ZHX3: variants seen among roughly 807,000 people sequenced by gnomAD.
ZHX3 encodes the protein zinc fingers and homeoboxes 3.
In ZHX3, 20 loss-of-function variants were observed where a neutral mutation model predicts 64.5. That is an observed-to-expected ratio of 0.31 (90% CI 0.22 to 0.45). ZHX3 has a LOEUF of 0.45. Ranked by LOEUF, ZHX3 falls within the 20% of genes least tolerant of loss-of-function variation. ZHX3 has a pLI of 1.00. For synonymous variants in ZHX3, 423 were observed against 461.6 expected (o/e 0.92, Z 1.07); for missense variants, 1,041 against 1,195.8 (o/e 0.87, Z 1.91).
chr20:41,215,770 T>TAAAAAAA (rs55922605), intron 2 of ZHX3, among the ~76,000 whole-genome samples: 3 of 101,166 alleles, frequency 3.0e-5, no homozygotes, highest in Admixed American at 1.1e-4. Flanking sequence ...ACGTCTCTAC[T>TAAAAAAA]AAAAAAAAAA....
chr20:41,204,849 G>A lies in ZHX3; in HGVS notation c.68C>T (p.Ala23Val). The A allele has an allele frequency of 6.3e-7, 1 of 1,591,570 alleles. No individual in the cohort carries two copies. Among genetic ancestry groups the A allele is most frequent in the Non-Finnish European group, 8.6e-7 (1 of 1,168,562 alleles). ...CTCAGCGGGCTGGGCCTCCATGCTG[G>A]CATCTTGCAACACCACAGTCTTCAC... ...IPVKTVVLQD[A>V]SMEAQPAETL... is the part of the protein sequence containing the mutation. The change falls in exon 3 of 4, where the codon GCC (alanine) becomes GTC (valine). Residue 23 changes from alanine to valine, a missense_variant. By Grantham distance (64) the Ala-to-Val change is moderately conservative. This residue lies in a region of ZHX3 where 358 missense variants were observed against 369.1 expected (regional missense o/e 0.97). Transcript: ENST00000683867. This position sits in a 1 kb window ranked among gnomAD's most constrained non-coding sequence, Gnocchi z 6.6.
rs2044775296 is a variant in ZHX3, at chr20:41,300,875, C to G, written c.-245+16634G>C. ...TGATGGGTCAGAAAGACAGACGGGC[C>G]AGAAAGACAGAAGGGCTAAGGAGGA... On this transcript the variant is annotated intron_variant, in intron 1 of 3. Transcript: ENST00000683867. Among the ~76,000 whole-genome samples, 4 of 152,084 alleles carry G rather than the reference C, an allele frequency of 2.6e-5. No homozygotes were observed. In the South Asian group the frequency reaches 8.3e-4, roughly 32 times the overall value.
In ZHX3 at chr20:41,317,728, G is replaced by GCTCGGCCTTGCACGGCTCCC. The variant is rs2045331280; in HGVS notation, c.-465_-464insGGGAGCCGTGCAAGGCCGAG. The GCTCGGCCTTGCACGGCTCCC allele has an allele frequency of 6.6e-6, 1 of 152,076 alleles. No homozygotes were observed. Among genetic ancestry groups the GCTCGGCCTTGCACGGCTCCC allele is most frequent in the South Asian group, 2.1e-4 (1 of 4,832 alleles). 9.4% of individuals were successfully genotyped at this position (152,076 alleles called of 1,614,324 possible). On this transcript the variant is annotated 5_prime_UTR_variant, in exon 1 of 4. Coordinates refer to ENST00000683867, the MANE Select transcript of ZHX3 (RefSeq NM_001384317.1). ...GCCGCTCTCGGAGGCGCTCGGCTCTGCTCGGCCTTGCACGGCTCCCCTCGG... is the reference window on the plus strand; with the variant it reads ...GCCGCTCTCGGAGGCGCTCGGCTCTGCTCGGCCTTGCACGGCTCCCCTCGGCCTTGCACGGCTCCCCTCGG...
chr20:41,312,698 C>T (rs1488952641), intron 1 of ZHX3, among the ~76,000 whole-genome samples: 1 of 152,124 alleles, frequency 6.6e-6, no homozygotes, highest in Non-Finnish European at 1.5e-5. Flanking sequence ...TTCTATGAGA[C>T]AAGTGGAGGT....
chr20:41,258,644 A>G (rs2042393918), intron 2 of ZHX3, among the ~76,000 whole-genome samples: 1 of 152,200 alleles, frequency 6.6e-6, no homozygotes, highest in Non-Finnish European at 1.5e-5. Context: ...AATACCACAG[A>G]AATGATGTTG....
In ZHX3 at chr20:41,204,929, T is replaced by G. The variant is rs1468237143; in HGVS notation, c.-13A>C. ...TCTTGCTGGCCATGGTGACAATCACTGGGTGATCAGCAGTTGAGAGCTTGT... is the reference window on the plus strand; with the variant it reads ...TCTTGCTGGCCATGGTGACAATCACGGGGTGATCAGCAGTTGAGAGCTTGT... On this transcript the variant is annotated 5_prime_UTR_variant, in exon 3 of 4. Transcript: ENST00000683867. This position sits in a 1 kb window ranked among gnomAD's most constrained non-coding sequence, Gnocchi z 6.6. 1.3e-6 allele frequency: 2 copies of G among 1,524,182 alleles called. No individual in the cohort carries two copies. Among genetic ancestry groups the G allele is most frequent in the Non-Finnish European group, 1.8e-6 (2 of 1,137,050 alleles). The allele number at this position is 1,524,182 out of a possible 1,614,324, so 94.4% of individuals were successfully genotyped here.
intron 2 of ZHX3, among the ~76,000 whole-genome samples, chr20:41,211,189 T>C (rs1205213364): frequency 1.3e-5 from 2 of 152,160 alleles, no homozygotes; most frequent in African/African-American, 4.8e-5. Context: ...GTGAGCCCTA[T>C]TACTAATATA....
At position 41,200,640 on chromosome 20, in the gene ZHX3, C is replaced by G. The variant is rs1232874548; in HGVS notation, c.2860+1417G>C. Among the ~76,000 whole-genome samples, 1 of 152,120 alleles carries G rather than the reference C, an allele frequency of 6.6e-6. No homozygotes were observed. The highest frequency in any genetic ancestry group is 1.5e-5 in the Non-Finnish European group (1 of 68,022). On this transcript the variant is annotated intron_variant, in intron 3 of 3. Transcript: ENST00000683867. The surrounding 1 kb of genome is among the most constrained non-coding windows in gnomAD (Gnocchi z 4.2). ...GGAGCCAGTGGCCCTTGTACTCCTA[C>G]CCTAAGTGCTGACCAGGGCTTTGGG...
intron 2 of ZHX3, among the ~76,000 whole-genome samples, chr20:41,264,620 C>T (rs900031179): frequency 6.6e-6 from 1 of 150,594 alleles, no homozygotes; most frequent in Non-Finnish European, 1.5e-5. Flanking sequence ...TTCTTTCAGT[C>T]TCCAGGAACA....
At position 41,183,173 on chromosome 20, in the gene ZHX3, ATGTG is replaced by A. The variant is rs746064131; in HGVS notation, c.*2014_*2017del. On this transcript the variant is annotated 3_prime_UTR_variant, in exon 4 of 4. Coordinates refer to ENST00000683867, the MANE Select transcript of ZHX3 (RefSeq NM_001384317.1). This position sits in a 1 kb window ranked among gnomAD's most constrained non-coding sequence, Gnocchi z 5.3. ...AATCAAATGAGTATTTATACTGTAT[ATGTG>A]TGTGTGTATATATATATATATAAAT... is the stretch of plus-strand genomic sequence containing the variant. 3 of 145,770 alleles carry A rather than the reference ATGTG, an allele frequency of 2.1e-5. No individual in the cohort carries two copies. Among genetic ancestry groups the A allele is most frequent in the Non-Finnish European group, 3.0e-5 (2 of 65,992 alleles). The allele number at this position is 145,770 out of a possible 1,614,324, so 9.0% of individuals were successfully genotyped here.
rs34073395 is a variant in ZHX3 at position 41,202,708 on chromosome 20, C to T, written c.2209G>A (p.Ala737Thr). Residue 737 changes from alanine to threonine, a missense_variant, in exon 3 of 4, where the codon GCC (alanine) becomes ACC (threonine). Ala to Thr is a moderately conservative substitution (Grantham distance 58). Transcript: ENST00000683867. The surrounding 1 kb of genome is among the most constrained non-coding windows in gnomAD (Gnocchi z 7.0). ...CCTGGAATCTCGTTCCTGCCATTGG[C>T]TTCAGTGACCCTCAGGTTCTTCAGG... ...INLKNLRVTEANGRNEIPGLG... is the reference protein window; with the variant it reads ...INLKNLRVTETNGRNEIPGLG... 687 of 1,614,176 alleles carry T rather than the reference C, an allele frequency of 4.3e-4. 4 individuals carry two copies. The African/African-American group carries it at 8.5e-3, about 20-fold the overall frequency.
intron 2 of ZHX3, among the ~76,000 whole-genome samples, chr20:41,247,280 C>A (rs1471087363): frequency 6.6e-6 from 1 of 152,146 alleles, no homozygotes; most frequent in Non-Finnish European, 1.5e-5. Flanking sequence ...AAAAGAAAGA[C>A]TTGCTTAATA....
At chr20:41,186,367 G>A (rs1019716185) in intron 3 of ZHX3, among the ~76,000 whole-genome samples, 11 of 152,154 alleles carry the variant, frequency 7.2e-5, no homozygotes, top group African/African-American at 2.4e-4. Context: ...ATATCTTACT[G>A]TATGTACACA....
intron 2 of ZHX3, among the ~76,000 whole-genome samples, chr20:41,250,143 T>G (rs909709547): frequency 2.0e-5 from 3 of 152,162 alleles, no homozygotes; most frequent in Non-Finnish European, 2.9e-5. Context: ...CAGCATGGCC[T>G]GGGGAAACTC....
At chr20:41,236,772 G>A (rs2041025732) in intron 2 of ZHX3, among the ~76,000 whole-genome samples, 1 of 152,108 alleles carries the variant, frequency 6.6e-6, no homozygotes, top group Non-Finnish European at 1.5e-5. Flanking sequence ...TTGACAAATG[G>A]GATCTAATTG....
intron 3 of ZHX3, among the ~76,000 whole-genome samples, chr20:41,186,502 T>C (rs1312798611): frequency 2.0e-5 from 3 of 152,254 alleles, no homozygotes; most frequent in African/African-American, 4.8e-5. Flanking sequence ...TTGGGGCGTA[T>C]ACCTAGGAGT....
rs1329860166 is a variant in ZHX3, at chr20:41,202,056, C to T, written c.2860+1G>A. ...AGCCATGGCCCCTGTGGACTCCTTA[C>T]CGAGCTGACGTCCAGCCTGGGGACT... On this transcript the variant is annotated splice_donor_variant, in intron 3 of 3. Transcript: ENST00000683867. LOFTEE classifies it high-confidence loss of function. The surrounding 1 kb of genome is among the most constrained non-coding windows in gnomAD (Gnocchi z 7.0). 1 of 1,587,444 alleles carries T rather than the reference C, an allele frequency of 6.3e-7. No individual in the cohort carries two copies.
chr20:41,219,011 G>A lies in ZHX3; in HGVS notation c.-150-13945C>T, dbSNP rs1257425759. 7.0e-6 allele frequency among the ~76,000 whole-genome samples: 1 copy of A among 142,474 alleles called. No individual in the cohort carries two copies. Among genetic ancestry groups the A allele is most frequent in the Non-Finnish European group, 1.5e-5 (1 of 66,614 alleles). 93.5% of individuals were successfully genotyped at this position (142,474 alleles called of 152,430 possible). ...GTGGCGCGATCTCGGCTCACTGCAAGCTCCACCTCCCGGGTTCACGCCACT... is the reference window on the plus strand; with the variant it reads ...GTGGCGCGATCTCGGCTCACTGCAAACTCCACCTCCCGGGTTCACGCCACT... On this transcript the variant is annotated intron_variant, in intron 2 of 3. Transcript: ENST00000683867. This position sits in a 1 kb window ranked among gnomAD's most constrained non-coding sequence, Gnocchi z 5.0.
intron 3 of ZHX3, among the ~76,000 whole-genome samples, chr20:41,188,100 A>G (rs1173293586): frequency 6.6e-6 from 1 of 152,018 alleles, no homozygotes; most frequent in Non-Finnish European, 1.5e-5. Context: ...AACCTGTGCT[A>G]TCTATCATTC....
Sources: allele counts gnomAD v4.1 joint callset (sites outside exome capture counted in the v4.1 genomes callset), GRCh38; gene constraint gnomAD v4.1.1; regional missense constraint gnomAD v4.1.1; non-coding constraint Gnocchi (gnomAD v3.1); transcripts MANE v1.5; gene names NCBI Gene and HGNC (gene_info 2026-07-23, HGNC 2026-07-21).